Variants in PTPRN2 observed in about 807,000 individuals in gnomAD.
PTPRN2 encodes protein tyrosine phosphatase receptor type N2.
Under a neutral mutation model 118.8 loss-of-function variants are expected in PTPRN2, and 74 were observed. The ratio of observed to expected loss-of-function variants is 0.62; its 90% CI spans 0.52 to 0.76. The LOEUF (loss-of-function observed/expected upper bound fraction) is 0.76, where lower values mean the gene tolerates loss of function less well. Ranked by LOEUF, PTPRN2 falls within the 30% of genes least tolerant of loss-of-function variation. The probability of loss-of-function intolerance (pLI) is 0.00; values close to 1 mark genes in which losing one functional copy is unlikely to be tolerated. For missense variants in PTPRN2, 1,481 were observed against 1,394.4 expected (o/e 1.06, Z -0.99); for synonymous variants, 641 against 608.0 (o/e 1.05, Z -0.80).
chr7:158,038,655 C>T (rs1176042896), intron 11 of PTPRN2, among the ~76,000 whole-genome samples: 1 of 149,420 alleles, frequency 6.7e-6, no homozygotes, highest in Non-Finnish European at 1.5e-5. Flanking sequence ...ACACATATAG[C>T]ATTTCTATAT....
At chr7:158,514,228 T>C (rs1823379706) in intron 1 of PTPRN2, among the ~76,000 whole-genome samples, 1 of 152,204 alleles carries the variant, frequency 6.6e-6, no homozygotes. Context: ...GGTATACCTC[T>C]GGCTGTTTGT....
chr7:157,980,376 G>C (rs910679217), intron 11 of PTPRN2, among the ~76,000 whole-genome samples: 1 of 152,206 alleles, frequency 6.6e-6, no homozygotes, highest in African/African-American at 2.4e-5. Context: ...GTGTTTCAAA[G>C]CCAAACTAAA....
Position 157,801,146 on chromosome 7 carries a change from T to C in PTPRN2, c.1788+97527A>G, listed in dbSNP as rs7802858. 0.28 allele frequency among the ~76,000 whole-genome samples: 41,820 copies of C among 151,716 alleles called. 6,363 individuals carry two copies. Among genetic ancestry groups the C allele is most frequent in the African/African-American group, 0.4 (16,720 of 41,288 alleles). Reference sequence around the variant, plus strand: ...AATACCCAATCCACAGCTTTCTCTTTGTGGTGCTTATGTGGTGTCACAATG... The same window carrying C: ...AATACCCAATCCACAGCTTTCTCTTCGTGGTGCTTATGTGGTGTCACAATG... On this transcript the variant is annotated intron_variant, in intron 12 of 22. Coordinates refer to ENST00000389418, the MANE Select transcript of PTPRN2 (RefSeq NM_002847.5). The surrounding 1 kb of genome is among the most constrained non-coding windows in gnomAD (Gnocchi z 4.2).
At chr7:158,336,700 AC>A (rs1805620982) in intron 2 of PTPRN2, among the ~76,000 whole-genome samples, 1 of 127,598 alleles carries the variant, frequency 7.8e-6, no homozygotes, top group African/African-American at 2.9e-5. Context: ...CGCAGACGTC[AC>A]TCACACCCAC....
intron 12 of PTPRN2, among the ~76,000 whole-genome samples, chr7:157,867,629 C>T (rs1178325610): frequency 3.9e-5 from 6 of 152,016 alleles, no homozygotes; most frequent in Admixed American, 1.3e-4. Context: ...GCCACCACCC[C>T]GCCCAGACTG....
chr7:158,070,324 TCGTGG>T (rs1811125806), intron 11 of PTPRN2, among the ~76,000 whole-genome samples: 1 of 130,920 alleles, frequency 7.6e-6, no homozygotes, highest in Non-Finnish European at 1.6e-5. Flanking sequence ...GTGGAGGTGC[TCGTGG>T]TGTGGAGGTG....
chr7:158,134,740 C>G (rs549111599), intron 8 of PTPRN2, among the ~76,000 whole-genome samples: 1 of 152,196 alleles, frequency 6.6e-6, no homozygotes, highest in Admixed American at 6.5e-5. Flanking sequence ...AGCCATCCCT[C>G]GGAACCCCCT....
chr7:157,775,298 C>T (rs1238411401), intron 12 of PTPRN2, among the ~76,000 whole-genome samples: 4 of 152,202 alleles, frequency 2.6e-5, no homozygotes, highest in Non-Finnish European at 2.9e-5. Context: ...CCACAGGACC[C>T]CAGTTTCCAC....
At chr7:158,411,028 C>T (rs953864809) in intron 2 of PTPRN2, among the ~76,000 whole-genome samples, 9 of 151,700 alleles carry the variant, frequency 5.9e-5, no homozygotes, top group African/African-American at 1.9e-4. Context: ...CCACAGAGAT[C>T]CGGACAGGCT....
intron 2 of PTPRN2, among the ~76,000 whole-genome samples, chr7:158,460,777 G>A (rs1003960640): frequency 1.3e-5 from 2 of 152,250 alleles, no homozygotes; most frequent in Non-Finnish European, 2.9e-5. Flanking sequence ...GTTCATGATC[G>A]AGCTTATTCT....
chr7:158,325,401 A>T (rs966005914), intron 2 of PTPRN2, among the ~76,000 whole-genome samples: 1 of 152,072 alleles, frequency 6.6e-6, no homozygotes, highest in East Asian at 1.9e-4. Flanking sequence ...ATTTATGGAA[A>T]TATAACAGGA....
intron 2 of PTPRN2, among the ~76,000 whole-genome samples, chr7:158,417,042 TAAGTCACAGTGC>T (rs1814722748): frequency 6.6e-6 from 1 of 151,770 alleles, no homozygotes; most frequent in South Asian, 2.1e-4. Context: ...CCCCCTGTGC[TAAGTCACAGTGC>T]ACTACATCAA....
chr7:158,333,881 TCA>T (rs1805023737), intron 2 of PTPRN2, among the ~76,000 whole-genome samples: 1 of 138,398 alleles, frequency 7.2e-6, no homozygotes, highest in African/African-American at 2.8e-5. Flanking sequence ...ACCCACACTC[TCA>T]CCATAAGAGC....
In PTPRN2 at chr7:157,813,877, G is replaced by A. The variant is rs939687343; in HGVS notation, c.1788+84796C>T. On this transcript the variant is annotated intron_variant, in intron 12 of 22. Transcript: ENST00000389418. The surrounding 1 kb of genome is among the most constrained non-coding windows in gnomAD (Gnocchi z 4.7). ...CTGAGCCAGGGCTGGGCCCAAGAAC[G>A]TGCATTTGCGTTGTTCCCCAGGTGA... Among the ~76,000 whole-genome samples the A allele has an allele frequency of 7.9e-5, 12 of 152,266 alleles. No homozygotes were observed. The highest frequency in any genetic ancestry group is 2.7e-4 in the African/African-American group (11 of 41,466).
chr7:157,936,645 CT>C lies in PTPRN2; in HGVS notation c.1724-37909del, dbSNP rs1280386884. Among the ~76,000 whole-genome samples the C allele has an allele frequency of 6.7e-5, 8 of 120,170 alleles. No individual in the cohort carries two copies. In the South Asian group the frequency reaches 1.3e-3, roughly 19 times the overall value. 78.8% of individuals were successfully genotyped at this position (120,170 alleles called of 152,430 possible). A position where few individuals can be genotyped will look rare whatever the true frequency, so the allele number is the denominator to read the frequency against. On this transcript the variant is annotated intron_variant, in intron 11 of 22. Transcript: ENST00000389418. ...CAGGGTGGGGTTCTACAGTGCAGGT[CT>C]GACACCTCCCGTGTCTCTTCCACTC... is the stretch of plus-strand genomic sequence containing the variant.
chr7:158,236,350 C>T (rs1829544346), intron 3 of PTPRN2, among the ~76,000 whole-genome samples: 1 of 152,186 alleles, frequency 6.6e-6, no homozygotes, highest in Non-Finnish European at 1.5e-5. Context: ...CTTGTGCTCC[C>T]TTGGGGCATG....
intron 12 of PTPRN2, chr7:157,864,384 G>C (rs181905094): frequency 6.6e-6 from 1 of 152,140 alleles, no homozygotes; most frequent in Non-Finnish European, 1.5e-5. Context: ...ACCTGGGGAC[G>C]GGCCCCGGAT....
At chr7:158,403,784 C>T (rs769227760) in intron 2 of PTPRN2, among the ~76,000 whole-genome samples, 129 of 152,258 alleles carry the variant, frequency 8.5e-4, no homozygotes, top group Non-Finnish European at 1.6e-3. Context: ...ATCTTGATTC[C>T]CCCAGAGTTC....
Position 158,526,146 on chromosome 7 carries a change from G to T in PTPRN2, c.113-36361C>A, listed in dbSNP as rs60555026. ...TACAGCTTCTGAAAGGGCCCGCTCT[G>T]GGGGGAGCCACATCAGGCAGACACA... On this transcript the variant is annotated intron_variant, in intron 1 of 22. Transcript: ENST00000389418. This position sits in a 1 kb window ranked among gnomAD's most constrained non-coding sequence, Gnocchi z 5.2. Among the ~76,000 whole-genome samples the T allele has an allele frequency of 6.6e-6, 1 of 152,126 alleles. No individual in the cohort carries two copies. The highest frequency in any genetic ancestry group is 2.4e-5 in the African/African-American group (1 of 41,406).
Sources: allele counts gnomAD v4.1 joint callset (sites outside exome capture counted in the v4.1 genomes callset), GRCh38; gene constraint gnomAD v4.1.1; non-coding constraint Gnocchi (gnomAD v3.1); transcripts MANE v1.5; gene names NCBI Gene and HGNC (gene_info 2026-07-23, HGNC 2026-07-21).